The following OPRM1 variants were observed in gnomAD, a reference collection of about 807,000 sequenced individuals.
The protein encoded by OPRM1 is opioid receptor mu 1.
A neutral mutation model predicts 31.8 loss-of-function variants in OPRM1; 27 were observed. The ratio of observed to expected loss-of-function variants is 0.85; its 90% CI spans 0.63 to 1.17. OPRM1 has a LOEUF of 1.17. Ranked by LOEUF, OPRM1 falls within the 50% of genes most tolerant of loss-of-function variation. OPRM1 has a pLI of 0.00. For synonymous variants in OPRM1, 196 were observed against 189.9 expected (o/e 1.03, Z -0.26); for missense variants, 536 against 511.1 (o/e 1.05, Z -0.47).
chr6:154,119,967 C>T lies in OPRM1; in HGVS notation c.*1246C>T, dbSNP rs1022747244. On this transcript the variant is annotated 3_prime_UTR_variant, in exon 4 of 4. Transcript: ENST00000330432. Reference sequence around the variant, plus strand: ...AAGTAGTTTCTTTAAGACAATTCTCCGCTTTAACTGATTTTCTTTGTTGTG... The same window carrying T: ...AAGTAGTTTCTTTAAGACAATTCTCTGCTTTAACTGATTTTCTTTGTTGTG... Among the ~76,000 whole-genome samples, 3 of 152,120 alleles carry T rather than the reference C, an allele frequency of 2.0e-5. No homozygotes were observed. The highest frequency in any genetic ancestry group is 1.9e-4 in the East Asian group (1 of 5,208).
chr6:154,010,521 G>A (rs1777670511), exon 1 of OPRM1: 3 of 1,547,394 alleles, frequency 1.9e-6, no homozygotes, highest in Middle Eastern at 1.7e-4. Context: ...AAATGATGAG[G>A]GCTAAATCCA....
At chr6:154,178,914 A>T (rs1009092426) in intron 3 of OPRM1, among the ~76,000 whole-genome samples, 2 of 152,200 alleles carry the variant, frequency 1.3e-5, no homozygotes, top group African/African-American at 4.8e-5. Context: ...CAAGCATAAA[A>T]CAGTAAAATA....
At position 154,125,349 on chromosome 6, in the gene OPRM1, G is replaced by C. The variant is rs570431411; in HGVS notation, c.*6628G>C. 1.3e-5 allele frequency among the ~76,000 whole-genome samples: 2 copies of C among 152,110 alleles called. No homozygotes were observed. The highest frequency in any genetic ancestry group is 2.9e-5 in the Non-Finnish European group (2 of 68,018). ...ATGAATCAAATATCGTTTTCTACCT[G>C]CCCCACAACTGTGTACATAAAACCT... On this transcript the variant is annotated 3_prime_UTR_variant, in exon 4 of 4. Coordinates refer to ENST00000330432, the MANE Select transcript of OPRM1 (RefSeq NM_000914.5).
intron 3 of OPRM1, among the ~76,000 whole-genome samples, chr6:154,219,935 A>G (rs930155258): frequency 3.3e-5 from 5 of 151,462 alleles, no homozygotes; most frequent in Admixed American, 1.3e-4. Flanking sequence ...AGGATAGGGG[A>G]CAGATGAGAG....
In OPRM1 at chr6:154,125,165, ATATATT is replaced by A. The variant is rs1333521439; in HGVS notation, c.*6452_*6457del. Among the ~76,000 whole-genome samples the A allele has an allele frequency of 1.3e-5, 2 of 152,242 alleles. No individual in the cohort carries two copies. The highest frequency in any genetic ancestry group is 2.4e-5 in the African/African-American group (1 of 41,544). The stretch of plus-strand genomic sequence containing the variant: ...CCAAAATATTTCAGGGTAAGAATAG[ATATATT>A]TATATTTTTCAGATGATATATCTTC... On this transcript the variant is annotated 3_prime_UTR_variant, in exon 4 of 4. Transcript: ENST00000330432.
Position 154,210,100 on chromosome 6 carries a change from T to C in OPRM1, c.1165-36593T>C, listed in dbSNP as rs80250257. Among the ~76,000 whole-genome samples, 1,047 of 152,306 alleles carry C rather than the reference T, an allele frequency of 6.9e-3. 11 individuals are homozygous for C. Among genetic ancestry groups the C allele is most frequent in the Middle Eastern group, 0.024 (7 of 294 alleles). On this transcript the variant is annotated intron_variant, in intron 3 of 3. Coordinates refer to the OPRM1 transcript ENST00000337049. ...GTCATTATATAATGCAATTGAGCCA[T>C]GACCCCTTGTCTAAGAAGGCAATTT...
rs956421723 is a variant in OPRM1 at position 154,126,651 on chromosome 6, T to C, written c.*7930T>C. Among the ~76,000 whole-genome samples, 6 of 152,134 alleles carry C rather than the reference T, an allele frequency of 3.9e-5. No homozygotes were observed. Among genetic ancestry groups the C allele is most frequent in the Non-Finnish European group, 7.4e-5 (5 of 68,024 alleles). On this transcript the variant is annotated 3_prime_UTR_variant, in exon 4 of 4. Coordinates refer to ENST00000330432, the MANE Select transcript of OPRM1 (RefSeq NM_000914.5). Reference sequence around the variant, plus strand: ...ACCAAGCCTAGAATCAGCTGGTGCCTCTTTTCATCTGCAGGGTAGATTTGG... The same window carrying C: ...ACCAAGCCTAGAATCAGCTGGTGCCCCTTTTCATCTGCAGGGTAGATTTGG...
At chr6:154,218,352 TA>T (rs1396926062) in intron 3 of OPRM1, among the ~76,000 whole-genome samples, 3 of 152,226 alleles carry the variant, frequency 2.0e-5, no homozygotes, top group Non-Finnish European at 4.4e-5. Context: ...CTTAATTACT[TA>T]CCCCTGTACT....
intron 3 of OPRM1, among the ~76,000 whole-genome samples, chr6:154,189,052 T>C (rs1801630440): frequency 6.6e-6 from 1 of 152,094 alleles, no homozygotes; most frequent in South Asian, 2.1e-4. Context: ...AAGTAGAAAA[T>C]ACATTTGCAA....
At chr6:154,031,695 C>T (rs1035607679) in intron 1 of OPRM1, among the ~76,000 whole-genome samples, 1 of 152,020 alleles carries the variant, frequency 6.6e-6, no homozygotes, top group Non-Finnish European at 1.5e-5. Context: ...GAGCCGAGAT[C>T]GCGCCATTGC....
At chr6:154,174,310 T>A (rs1286435025) in intron 3 of OPRM1, among the ~76,000 whole-genome samples, 1 of 152,104 alleles carries the variant, frequency 6.6e-6, no homozygotes, top group Non-Finnish European at 1.5e-5. Flanking sequence ...AGGATCAAAT[T>A]CACACATAAC....
At chr6:154,173,763 G>A (rs1800067159) in intron 3 of OPRM1, among the ~76,000 whole-genome samples, 2 of 152,214 alleles carry the variant, frequency 1.3e-5, no homozygotes, top group Non-Finnish European at 2.9e-5. Flanking sequence ...ATATTATCCA[G>A]GAGAACTTCC....
chr6:154,097,560 T>G (rs115429128), intron 3 of OPRM1, among the ~76,000 whole-genome samples: 1,619 of 151,456 alleles, frequency 0.011, 25 homozygotes, highest in African/African-American at 0.038. Context: ...TTCTTTCAGT[T>G]CTACAGTTTA....
chr6:154,219,964 G>C (rs1778722163), intron 3 of OPRM1, among the ~76,000 whole-genome samples: 2 of 150,878 alleles, frequency 1.3e-5, no homozygotes, highest in Admixed American at 1.3e-4. Context: ...GCTGGACAGA[G>C]CTGAGCGGAT....
intron 1 of OPRM1, among the ~76,000 whole-genome samples, chr6:154,045,922 G>A (rs554750150): frequency 1.2e-4 from 18 of 152,194 alleles, no homozygotes; most frequent in Admixed American, 1.1e-3. Context: ...AGAAGGCCCC[G>A]CCCACATTGT....
Position 154,039,762 on chromosome 6 carries a change from T to C in OPRM1, c.218T>C (p.Ile73Thr), listed in dbSNP as rs1779658672. ...CCCTCCATGATCACGGCCATCACGATCATGGCCCTCTACTCCATCGTGTGC... is the reference window on the plus strand; with the variant it reads ...CCCTCCATGATCACGGCCATCACGACCATGGCCCTCTACTCCATCGTGTGC... The part of the protein sequence containing the change: ...GSPSMITAIT[I>T]MALYSIVCVV... Residue 73 changes from isoleucine to threonine, a missense_variant, in exon 1 of 4, where the codon ATC (isoleucine) becomes ACC (threonine). Transcript: ENST00000330432. 6.2e-7 allele frequency: 1 copy of C among 1,605,692 alleles called. No individual in the cohort carries two copies.
At chr6:154,180,412 ATATT>A (rs1195706106) in intron 3 of OPRM1, among the ~76,000 whole-genome samples, 1,071 of 50,782 alleles carry the variant, frequency 0.021, 8 homozygotes, top group Non-Finnish European at 0.03. Context: ...ATATATATAT[ATATT>A]TTTTTTTTAA....
intron 3 of OPRM1, among the ~76,000 whole-genome samples, chr6:154,191,564 C>T (rs764656745): frequency 6.6e-6 from 1 of 151,938 alleles, no homozygotes; most frequent in Non-Finnish European, 1.5e-5. Flanking sequence ...GTCCTAGCTA[C>T]TTGGGAGGCT....
chr6:154,199,279 C>T (rs956161942), intron 3 of OPRM1, among the ~76,000 whole-genome samples: 3 of 152,236 alleles, frequency 2.0e-5, no homozygotes, highest in African/African-American at 7.2e-5. Context: ...GATCTAAGCT[C>T]ATTTTGAACT....
Sources: gnomAD v4.1 joint callset for allele counts (sites outside exome capture counted in the v4.1 genomes callset) on GRCh38, gnomAD v4.1.1 for gene constraint, MANE v1.5 for transcripts, NCBI Gene and HGNC (gene_info 2026-07-23, HGNC 2026-07-21) for gene names.